LRCH1: variants seen among roughly 807,000 people sequenced by gnomAD.
LRCH1 encodes the protein leucine-rich repeat and calponin homology domain-containing protein 1.
In LRCH1, 23 loss-of-function variants were observed where a neutral mutation model predicts 94.9. The observed-to-expected ratio is 0.24, with a 90% CI of 0.17 to 0.34. LRCH1 has a LOEUF of 0.34. Among genes scored for constraint, LRCH1 ranks in the 10% least tolerant of loss-of-function variants. The probability of loss-of-function intolerance (pLI) is 1.00; values close to 1 mark genes in which losing one functional copy is unlikely to be tolerated. For missense variants in LRCH1, 790 were observed against 945.9 expected, an observed-to-expected ratio of 0.84 and a Z score of 2.16; for synonymous variants, 364 against 354.9, an observed-to-expected ratio of 1.03 and a Z score of -0.29.
intron 2 of LRCH1, among the ~76,000 whole-genome samples, chr13:46,653,803 C>T (rs1171754306): frequency 2.6e-5 from 4 of 151,676 alleles, no homozygotes; most frequent in East Asian, 1.9e-4. Flanking sequence ...GCCTGGGCAA[C>T]GGAACAAGAC....
chr13:46,624,313 A>G (rs980605557), intron 1 of LRCH1, among the ~76,000 whole-genome samples: 14 of 152,178 alleles, frequency 9.2e-5, no homozygotes, highest in African/African-American at 3.4e-4. Context: ...GTTTGATTTG[A>G]CTGATGTGGA....
chr13:46,603,010 ATAAT>A (rs138612328), intron 1 of LRCH1, among the ~76,000 whole-genome samples: 2,479 of 151,952 alleles, frequency 0.016, 26 homozygotes, highest in Middle Eastern at 0.031. Context: ...ATACATGTAA[ATAAT>A]TAAATAACTC....
At position 46,650,253 on chromosome 13, in the gene LRCH1, A is replaced by G. The variant is rs373174083; in HGVS notation, c.360A>G (p.Val120=). The change falls in exon 2 of 20, where the codon GTA becomes GTG. Residue 120 remains valine (V), a synonymous_variant. Transcript: ENST00000389797. The stretch of plus-strand genomic sequence containing the variant: ...TTCCAATGGAATTGTGCCATTTTGT[A>G]TCACTGGAAATTCTTAATCTGTATC... ...VEVPMELCHF[V]SLEILNLYHN... is the part of the protein sequence containing the mutation. 3.1e-6 allele frequency: 5 copies of G among 1,612,628 alleles called. No homozygotes were observed. Among genetic ancestry groups the G allele is most frequent in the Non-Finnish European group, 4.2e-6 (5 of 1,179,104 alleles).
chr13:46,660,709 C>G (rs572000011), intron 2 of LRCH1, among the ~76,000 whole-genome samples: 1 of 152,290 alleles, frequency 6.6e-6, no homozygotes, highest in South Asian at 2.1e-4. Context: ...GATATTCTTT[C>G]TCTTCCTGCA....
intron 2 of LRCH1, among the ~76,000 whole-genome samples, chr13:46,662,874 T>C (rs2051467798): frequency 1.3e-5 from 2 of 152,358 alleles, no homozygotes; most frequent in African/African-American, 4.8e-5. Flanking sequence ...GAATTCAGAC[T>C]TGCTTTAGAC....
At chr13:46,574,002 T>C (rs976769231) in intron 1 of LRCH1, among the ~76,000 whole-genome samples, 7 of 150,354 alleles carry the variant, frequency 4.7e-5, no homozygotes, top group African/African-American at 1.7e-4. Context: ...CACACCACCA[T>C]GCCCGGCTAA....
At chr13:46,681,089 A>AT (rs1292726320) in intron 3 of LRCH1, among the ~76,000 whole-genome samples, 1 of 152,242 alleles carries the variant, frequency 6.6e-6, no homozygotes, top group East Asian at 1.9e-4. Context: ...TCAAGGCTTA[A>AT]TTGAGTATTT....
intron 1 of LRCH1, among the ~76,000 whole-genome samples, chr13:46,562,438 C>G (rs1485222559): frequency 6.6e-6 from 1 of 152,166 alleles, no homozygotes; most frequent in East Asian, 1.9e-4. Flanking sequence ...CAGGCCGTTC[C>G]TTTTTATACA....
At chr13:46,695,148 A>G (rs560722710) in intron 9 of LRCH1, 131 bp downstream of exon 9, 2 of 1,078,810 alleles carry the variant, frequency 1.9e-6, no homozygotes, top group Admixed American at 2.2e-5. Flanking sequence ...AAGCGTTCCA[A>G]ACATCTCAGC....
intron 1 of LRCH1, among the ~76,000 whole-genome samples, chr13:46,569,539 G>A (rs2050219526): frequency 1.3e-5 from 2 of 152,204 alleles, no homozygotes; most frequent in South Asian, 2.1e-4. Flanking sequence ...GGACCATGTG[G>A]CGTATCACTT....
downstream of LRCH1, among the ~76,000 whole-genome samples, chr13:46,747,100 G>T (rs892045126): frequency 6.6e-6 from 1 of 152,142 alleles, no homozygotes; most frequent in Non-Finnish European, 1.5e-5. Context: ...CTGAAAAGAG[G>T]CAGGAAGAAT....
In LRCH1 at chr13:46,729,351, C is replaced by T. The variant is rs181914640; in HGVS notation, c.2007+367C>T. ...TCAGGAGTTGTATTTTTTGTAGAGA[C>T]GGGGTTCTAAAATAGAAAACTACAC... is the stretch of plus-strand genomic sequence containing the variant. On this transcript the variant is annotated intron_variant, in intron 18 of 19. Coordinates refer to ENST00000389797, the MANE Select transcript of LRCH1 (RefSeq NM_001164211.2). 3.1e-3 allele frequency among the ~76,000 whole-genome samples: 465 copies of T among 151,590 alleles called. 5 individuals are homozygous for T. Among genetic ancestry groups the T allele is most frequent in the Non-Finnish European group, 4.4e-3 (300 of 67,838 alleles).
At chr13:46,667,429 A>G (rs539120356) in intron 2 of LRCH1, among the ~76,000 whole-genome samples, 35 of 151,364 alleles carry the variant, frequency 2.3e-4, no homozygotes, top group Middle Eastern at 6.8e-3. Flanking sequence ...ATAAGTATAC[A>G]TCTCAAAGAA....
At chr13:46,712,793 G>A (rs1399758650) in intron 15 of LRCH1, among the ~76,000 whole-genome samples, 196 bp downstream of exon 15, 1 of 152,314 alleles carries the variant, frequency 6.6e-6, no homozygotes, top group South Asian at 2.1e-4. Flanking sequence ...ATCAGTAGTG[G>A]ATATTCTATC....
intron 7 of LRCH1, among the ~76,000 whole-genome samples, chr13:46,689,606 A>C (rs1870795392): frequency 6.6e-6 from 1 of 152,172 alleles, no homozygotes; most frequent in Non-Finnish European, 1.5e-5. Context: ...CGTAAATGTT[A>C]AGGAATCAAC....
intron 1 of LRCH1, among the ~76,000 whole-genome samples, chr13:46,577,796 A>C (rs1000419758): frequency 1.3e-5 from 2 of 152,250 alleles, no homozygotes; most frequent in Non-Finnish European, 2.9e-5. Flanking sequence ...GAGAACGAGA[A>C]GGAAATCATT....
chr13:46,615,023 C>T (rs2050790404), intron 1 of LRCH1, among the ~76,000 whole-genome samples: 1 of 152,146 alleles, frequency 6.6e-6, no homozygotes, highest in South Asian at 2.1e-4. Flanking sequence ...TCTTTGTCCT[C>T]ACTGATGAAT....
intron 18 of LRCH1, among the ~76,000 whole-genome samples, chr13:46,731,226 C>T (rs1431092745): frequency 1.3e-5 from 2 of 150,802 alleles, no homozygotes; most frequent in Non-Finnish European, 2.9e-5. Context: ...TAAATATTTC[C>T]CCATGTCATT....
chr13:46,727,786 G>A (rs749081384), intron 17 of LRCH1, among the ~76,000 whole-genome samples: 2 of 152,118 alleles, frequency 1.3e-5, no homozygotes, highest in Non-Finnish European at 2.9e-5. Context: ...GAACCTCTGT[G>A]TATTAGTTCT....
Sources: gnomAD v4.1 joint callset for allele counts (sites outside exome capture counted in the v4.1 genomes callset) on GRCh38, gnomAD v4.1.1 for gene constraint, MANE v1.5 for transcripts, NCBI Gene and HGNC (gene_info 2026-07-23, HGNC 2026-07-21) for gene names.